COL16A1: variants seen among roughly 807,000 people sequenced by gnomAD.
COL16A1 encodes collagen alpha-1(XVI) chain.
COL16A1 carries 189 observed loss-of-function variants against 266.3 expected under a neutral mutation model. The observed-to-expected ratio is 0.71, with a 90% CI of 0.63 to 0.80. The LOEUF (loss-of-function observed/expected upper bound fraction) is 0.80. Among genes scored for constraint, COL16A1 ranks in the 30% least tolerant of loss-of-function variants. The probability of loss-of-function intolerance (pLI) is 0.00; values close to 1 mark genes in which losing one functional copy is unlikely to be tolerated. For missense variants in COL16A1, 1,928 were observed against 2,122.4 expected (o/e 0.91, Z 1.80); for synonymous variants, 740 against 782.3 (o/e 0.95, Z 0.90).
At position 31,657,415 on chromosome 1, in the gene COL16A1, T is replaced by A; in HGVS notation, c.4021-347A>T. On this transcript the variant is annotated intron_variant, in intron 64 of 70. Transcript: ENST00000373672. The surrounding 1 kb of genome is among the most constrained non-coding windows in gnomAD (Gnocchi z 6.4). ...TTGCTGAATGAACACATGAACAGCC[T>A]GAGCCGGCCCCCTCCCTGAGACCAG... The A allele has an allele frequency of 3.8e-6, 1 of 266,006 alleles. No homozygotes were observed. 16.5% of individuals were successfully genotyped at this position (266,006 alleles called of 1,614,324 possible). A position where few individuals can be genotyped will look rare whatever the true frequency, so the allele number is the denominator to read the frequency against.
chr1:31,667,437 C>G (rs1642229991), intron 52 of COL16A1, 138 bp downstream of exon 52: 1 of 690,232 alleles, frequency 1.4e-6, no homozygotes, highest in Non-Finnish European at 2.4e-6. Flanking sequence ...CAGCACCCAG[C>G]CTGTGCTGCA....
intron 39 of COL16A1, 39 bp from the exon 40 acceptor site, chr1:31,680,140 C>T (rs376158662): frequency 1.0e-5 from 16 of 1,602,666 alleles, no homozygotes; most frequent in African/African-American, 2.7e-5. Flanking sequence ...TGGATGAAGA[C>T]GAAGGGCTCT....
Position 31,661,863 on chromosome 1 carries a change from T to G in COL16A1, c.3682-159A>C, listed in dbSNP as rs563409806. On this transcript the variant is annotated intron_variant, in intron 58 of 70. Coordinates refer to ENST00000373672, the MANE Select transcript of COL16A1 (RefSeq NM_001856.4). ...CCTCTGACTGGCTGTGGATCCTCAGTGACTTCCAGCCCCTCTCCGGGCCTT... is the reference window on the plus strand; with the variant it reads ...CCTCTGACTGGCTGTGGATCCTCAGGGACTTCCAGCCCCTCTCCGGGCCTT... 1.4e-4 allele frequency: 108 copies of G among 766,612 alleles called. No homozygotes were observed. The East Asian group carries it at 2.8e-3, about 20-fold the overall frequency. 47.5% of individuals were successfully genotyped at this position (766,612 alleles called of 1,614,324 possible).
In COL16A1 at chr1:31,686,018, G is replaced by A. The variant is rs573509584; in HGVS notation, c.1884+73C>T. The stretch of plus-strand genomic sequence containing the variant: ...GACAGCAAGGAGCCCCAGAGGGTTC[G>A]AAGTCGAGCAAGACGAGTGTCTATC... On this transcript the variant is annotated intron_variant, in intron 28 of 70. Transcript: ENST00000373672. The A allele has an allele frequency of 1.1e-5, 17 of 1,593,408 alleles. No individual in the cohort carries two copies. In the East Asian group the frequency reaches 1.3e-4, roughly 13 times the overall value.
chr1:31,654,982 T>C (rs1640982708), intron 67 of COL16A1, 124 bp from the exon 68 acceptor site: 1 of 1,392,850 alleles, frequency 7.2e-7, no homozygotes, highest in Non-Finnish European at 9.4e-7. Context: ...TTTTTTTTTT[T>C]TTTTTTTTTT....
chr1:31,690,906 C>A (rs1369175081), intron 20 of COL16A1, among the ~76,000 whole-genome samples: 4 of 152,202 alleles, frequency 2.6e-5, no homozygotes, highest in Non-Finnish European at 5.9e-5. Context: ...TGAGCTTGGG[C>A]CCTCCAGCAA....
rs773666702 is a variant in COL16A1 at position 31,680,057 on chromosome 1, G to A, written c.2655C>T (p.Ile885=). The A allele has an allele frequency of 1.2e-6, 2 of 1,613,978 alleles. No individual in the cohort carries two copies. The highest frequency in any genetic ancestry group is 4.5e-5 in the East Asian group (2 of 44,882). The change falls in exon 40 of 71, where the codon ATC becomes ATT. Residue 885 remains isoleucine (I), a synonymous_variant. Transcript: ENST00000373672. Reference sequence around the variant, plus strand: ...CGCCACTTACCGGCATGCCAGAGAAGATGAGGTCTCCTTGAGAGGGGCAGG... The same window carrying A: ...CGCCACTTACCGGCATGCCAGAGAAAATGAGGTCTCCTTGAGAGGGGCAGG... The part of the protein sequence containing the change: ...ECSCPSQGDL[I]FSGMPGAPGL...
At chr1:31,667,775 G>A (rs768977326) in intron 51 of COL16A1, 147 bp from the exon 52 acceptor site, 22 of 811,346 alleles carry the variant, frequency 2.7e-5, no homozygotes, top group East Asian at 8.2e-5. Flanking sequence ...CAAAGCTGCC[G>A]TGCCTCCCAT....
At position 31,668,581 on chromosome 1, in the gene COL16A1, A is replaced by G. The variant is rs1024333781; in HGVS notation, c.3249+221T>C. Among the ~76,000 whole-genome samples, 1 of 152,122 alleles carries G rather than the reference A, an allele frequency of 6.6e-6. No homozygotes were observed. ...CGCTGCTGGAGGACAGGGGCTGTGC[A>G]TGCTTCTGGCAGGGAGTCAGGGCAC... is the stretch of plus-strand genomic sequence containing the variant. On this transcript the variant is annotated intron_variant, in intron 50 of 70. Transcript: ENST00000373672. The surrounding 1 kb of genome is among the most constrained non-coding windows in gnomAD (Gnocchi z 5.8).
intron 56 of COL16A1, 142 bp from the exon 57 acceptor site, chr1:31,662,800 C>G (rs1641811249): frequency 1.3e-6 from 1 of 786,180 alleles, no homozygotes; most frequent in African/African-American, 1.7e-5. Context: ...CAATCTGTCC[C>G]TGTCTAACTG....
chr1:31,695,994 A>C (rs527601838), intron 9 of COL16A1, 94 bp downstream of exon 9: 1 of 1,178,252 alleles, frequency 8.5e-7, no homozygotes, highest in East Asian at 2.3e-5. Context: ...AGGCGGGAGG[A>C]GAGTGGGAGT....
At chr1:31,665,701 G>A (rs991081221) in intron 54 of COL16A1, 83 bp from the exon 55 acceptor site, 4 of 1,593,392 alleles carry the variant, frequency 2.5e-6, no homozygotes, top group Non-Finnish European at 3.4e-6. Flanking sequence ...TGACGGGGGG[G>A]GCACCCTCAA....
At chr1:31,655,771 AT>A (rs1342666577) in intron 66 of COL16A1, 2 of 522,552 alleles carry the variant, frequency 3.8e-6, no homozygotes, top group Non-Finnish European at 6.6e-6. Flanking sequence ...AAGGCCATTC[AT>A]TATGTGGTCC....
Position 31,684,567 on chromosome 1 carries a change from C to T in COL16A1, c.2116G>A (p.Gly706Arg). The change falls in exon 31 of 71, where the codon GGA becomes AGA. Residue 706 changes from glycine (G) to arginine (R), a missense_variant. Gly to Arg is a moderately radical substitution (Grantham distance 125). Coordinates refer to ENST00000373672, the MANE Select transcript of COL16A1 (RefSeq NM_001856.4). The part of the protein sequence containing the change: ...PGTTGRPGLS[G>R]EPGVQGPAGP... ...GCGGGGCCCTGAACTCCAGGCTCTC[C>T]TGACAGTCCTGGCCGCCCTGTGGTG... 1 of 1,613,894 alleles carries T rather than the reference C, an allele frequency of 6.2e-7. No individual in the cohort carries two copies. The highest frequency in any genetic ancestry group is 8.5e-7 in the Non-Finnish European group (1 of 1,180,004).
In COL16A1 at chr1:31,684,198, C is replaced by G. The variant is rs1286080999; in HGVS notation, c.2194G>C (p.Gly732Arg). The change falls in exon 32 of 71, where the codon GGG becomes CGG. Residue 732 changes from glycine to arginine, a missense_variant. Transcript: ENST00000373672. Reference protein sequence around the residue: ...DGCTACPSLQGTVTDMAGRPG... With the variant: ...DGCTACPSLQRTVTDMAGRPG... ...CGTCCTGCCATGTCTGTCACTGTCC[C>G]CTGCAGGCTGGGGCAGGCAGTGCAG... 2 of 1,530,346 alleles carry G rather than the reference C, an allele frequency of 1.3e-6. No individual in the cohort carries two copies. Among genetic ancestry groups the G allele is most frequent in the Non-Finnish European group, 1.8e-6 (2 of 1,135,900 alleles). 94.8% of individuals were successfully genotyped at this position (1,530,346 alleles called of 1,614,324 possible). A position where few individuals can be genotyped will look rare whatever the true frequency, so the allele number is the denominator to read the frequency against.
In COL16A1 at chr1:31,655,377, T is replaced by G; in HGVS notation, c.4227A>C (p.Arg1409Ser). 1.2e-6 allele frequency: 2 copies of G among 1,613,804 alleles called. No individual in the cohort carries two copies. Among genetic ancestry groups the G allele is most frequent in the Non-Finnish European group, 1.7e-6 (2 of 1,179,940 alleles). The change falls in exon 67 of 71, where the codon AGA becomes AGC. Residue 1409 changes from arginine (R) to serine (S), a missense_variant. Transcript: ENST00000373672. ...PVGPPGPAGERGHPGAPGPSG... is the reference protein window; with the variant it reads ...PVGPPGPAGESGHPGAPGPSG... Reference sequence around the variant, plus strand: ...AAGGCCCCGGAGCTCCAGGGTGGCCTCTCTCTCCTGCAGGGCCCGGTGGCC... The same window carrying G: ...AAGGCCCCGGAGCTCCAGGGTGGCCGCTCTCTCCTGCAGGGCCCGGTGGCC...
At chr1:31,689,509 T>C in intron 23 of COL16A1, 1 of 581,808 alleles carries the variant, frequency 1.7e-6, no homozygotes, top group Admixed American at 3.0e-5. Context: ...CCCTAGAGTC[T>C]CCTGGAAAGC....
At position 31,655,233 on chromosome 1, in the gene COL16A1, G is replaced by T. The variant is rs41307840; in HGVS notation, c.4290+81C>A. 4.7e-5 allele frequency: 72 copies of T among 1,527,588 alleles called. No homozygotes were observed. In the South Asian group the frequency reaches 8.8e-4, roughly 19 times the overall value. 94.6% of individuals were successfully genotyped at this position (1,527,588 alleles called of 1,614,324 possible). ...GCTCTTTCCCACAGAATGTCAGCAG[G>T]AGCTTGGAAGATGATCCGAGCTCCA... On this transcript the variant is annotated intron_variant, in intron 67 of 70. Coordinates refer to ENST00000373672, the MANE Select transcript of COL16A1 (RefSeq NM_001856.4).
At chr1:31,660,925 A>C in intron 61 of COL16A1, 141 bp downstream of exon 61, 1 of 956,788 alleles carries the variant, frequency 1.0e-6, no homozygotes, top group Non-Finnish European at 1.5e-6. Context: ...CAAGACGTGC[A>C]GTGTTGGGTG....
Sources: gnomAD v4.1 joint callset for allele counts (sites outside exome capture counted in the v4.1 genomes callset) on GRCh38, gnomAD v4.1.1 for gene constraint, Gnocchi (gnomAD v3.1) non-coding constraint, MANE v1.5 for transcripts, NCBI Gene and HGNC (gene_info 2026-07-23, HGNC 2026-07-21) for gene names.